The following LMX1A variants were observed in gnomAD, a reference collection of about 807,000 sequenced individuals.
The protein encoded by LMX1A is LIM homeobox transcription factor 1-alpha.
Under a neutral mutation model 49.1 loss-of-function variants are expected in LMX1A, and 15 were observed. That is an observed-to-expected ratio of 0.31 (90% CI 0.20 to 0.47). The LOEUF (loss-of-function observed/expected upper bound fraction) is 0.47. Ranked by LOEUF, LMX1A falls within the 20% of genes least tolerant of loss-of-function variation. The pLI is 1.00. For missense variants in LMX1A, 372 were observed against 475.8 expected, an observed-to-expected ratio of 0.78 and a Z score of 2.03; for synonymous variants, 167 against 185.7, an observed-to-expected ratio of 0.90 and a Z score of 0.82.
chr1:165,342,718 C>T (rs781509531), intron 3 of LMX1A, among the ~76,000 whole-genome samples: 2 of 152,072 alleles, frequency 1.3e-5, no homozygotes, highest in African/African-American at 2.4e-5. Context: ...ATACTATAAA[C>T]AGCTGACCAT....
intron 3 of LMX1A, among the ~76,000 whole-genome samples, chr1:165,322,650 A>G (rs1655453376): frequency 6.6e-6 from 1 of 152,166 alleles, no homozygotes; most frequent in Non-Finnish European, 1.5e-5. Context: ...TAGAAAACCA[A>G]GTAGGGGCTC....
At chr1:165,326,744 C>G (rs1412472795) in intron 3 of LMX1A, among the ~76,000 whole-genome samples, 2 of 152,150 alleles carry the variant, frequency 1.3e-5, no homozygotes, top group African/African-American at 4.8e-5. Context: ...AACCATTTCC[C>G]CCAAACTTGC....
Position 165,318,983 on chromosome 1 carries a change from C to CCTCTCTCT in LMX1A, c.263+34085_263+34092dup, listed in dbSNP as rs137990365. Among the ~76,000 whole-genome samples, 296 of 136,046 alleles carry CCTCTCTCT rather than the reference C, an allele frequency of 2.2e-3. 1 individual carries two copies. Among genetic ancestry groups the CCTCTCTCT allele is most frequent in the African/African-American group, 7.1e-3 (253 of 35,698 alleles). The allele number at this position is 136,046 out of a possible 152,430, so 89.3% of individuals were successfully genotyped here. A position where few individuals can be genotyped will look rare whatever the true frequency, so the allele number is the denominator to read the frequency against. Reference sequence around the variant, plus strand: ...GCTGAAAGTATTGCAGCTGAGATCTCCTCTCTCTCTCTCTCTCACACACAC... The same window carrying CCTCTCTCT: ...GCTGAAAGTATTGCAGCTGAGATCTCCTCTCTCTCTCTCTCTCTCTCTCTCACACACAC... On this transcript the variant is annotated intron_variant, in intron 3 of 8. Transcript: ENST00000342310.
In LMX1A at chr1:165,264,519, A is replaced by G. The variant is rs575933155; in HGVS notation, c.264-14879T>C. ...GGAATTTTTTATAACAGCCCCTCCC[A>G]ACCATGGAAATAAATAATGACAAGT... On this transcript the variant is annotated intron_variant, in intron 3 of 8. Coordinates refer to ENST00000342310, the MANE Select transcript of LMX1A (RefSeq NM_177398.4). 5.3e-5 allele frequency among the ~76,000 whole-genome samples: 8 copies of G among 152,306 alleles called. No homozygotes were observed. In the South Asian group the frequency reaches 1.5e-3, roughly 28 times the overall value.
intron 4 of LMX1A, among the ~76,000 whole-genome samples, chr1:165,245,980 C>T (rs1230918032): frequency 6.6e-6 from 1 of 151,556 alleles, no homozygotes; most frequent in Non-Finnish European, 1.5e-5. Context: ...GTTAAGGATA[C>T]TAGATCAGTC....
At chr1:165,352,378 C>G (rs1175303887) in intron 3 of LMX1A, among the ~76,000 whole-genome samples, 2 of 152,214 alleles carry the variant, frequency 1.3e-5, no homozygotes, top group African/African-American at 4.8e-5. Flanking sequence ...AGGATGGCGG[C>G]ACAGGTTGAA....
At chr1:165,216,189 T>A (rs1651636418) in intron 4 of LMX1A, 2 of 152,164 alleles carry the variant, frequency 1.3e-5, no homozygotes, top group African/African-American at 4.8e-5. Flanking sequence ...TTATAAAATC[T>A]TTCTAGAAGG....
At chr1:165,255,909 G>T (rs1653219582) in intron 3 of LMX1A, among the ~76,000 whole-genome samples, 1 of 151,256 alleles carries the variant, frequency 6.6e-6, no homozygotes, top group African/African-American at 2.4e-5. Flanking sequence ...GGAGGCAGAG[G>T]TTGCAGTGAG....
At position 165,209,656 on chromosome 1, in the gene LMX1A, G is replaced by A. The variant is rs78507510; in HGVS notation, c.747+1043C>T. Among the ~76,000 whole-genome samples the A allele has an allele frequency of 6.0e-3, 920 of 152,322 alleles. 47 individuals are homozygous for A. The East Asian group carries it at 0.12, about 20-fold the overall frequency. ...TGGGGTGCACAGGGAGGGCATGGAA[G>A]CTTCACACCCTTCCCCCATTTCTCG... On this transcript the variant is annotated intron_variant, in intron 6 of 8. Coordinates refer to ENST00000342310, the MANE Select transcript of LMX1A (RefSeq NM_177398.4).
intron 3 of LMX1A, among the ~76,000 whole-genome samples, chr1:165,269,619 C>G (rs1653734533): frequency 6.6e-6 from 1 of 152,112 alleles, no homozygotes; most frequent in Non-Finnish European, 1.5e-5. Flanking sequence ...GAACTATTCA[C>G]AATAGCAAAG....
At chr1:165,206,769 T>C (rs1461260678) in intron 7 of LMX1A, among the ~76,000 whole-genome samples, 1 of 152,152 alleles carries the variant, frequency 6.6e-6, no homozygotes, top group Non-Finnish European at 1.5e-5. Context: ...GGGGTGGAGC[T>C]GAGGGCAGAA....
intron 4 of LMX1A, among the ~76,000 whole-genome samples, chr1:165,243,885 A>T (rs574771508): frequency 6.6e-6 from 1 of 152,230 alleles, no homozygotes; most frequent in Non-Finnish European, 1.5e-5. Context: ...TGATAAGAGT[A>T]TCTTTTGTTG....
rs71097567 is a variant in LMX1A at position 165,247,054 on chromosome 1, C to CTTTTT, written c.496+2349_496+2353dup. On this transcript the variant is annotated intron_variant, in intron 4 of 8. Transcript: ENST00000342310. Reference sequence around the variant, plus strand: ...GTTACTTAGATCAGATCAGCTTTTTCTTTTTTTTTTTTTTTTTTTTTTTTT... The same window carrying CTTTTT: ...GTTACTTAGATCAGATCAGCTTTTTCTTTTTTTTTTTTTTTTTTTTTTTTTTTTTT... Among the ~76,000 whole-genome samples the CTTTTT allele has an allele frequency of 2.9e-3, 154 of 53,216 alleles. 35 individuals are homozygous for CTTTTT. The highest frequency in any genetic ancestry group is 0.025 in the South Asian group (25 of 1,016). 34.9% of individuals were successfully genotyped at this position (53,216 alleles called of 152,430 possible).
chr1:165,216,957 G>A (rs1332782638), intron 4 of LMX1A, among the ~76,000 whole-genome samples: 2 of 151,972 alleles, frequency 1.3e-5, no homozygotes, highest in Non-Finnish European at 2.9e-5. Flanking sequence ...TATGTAAAGG[G>A]TTTAGCACCA....
intron 3 of LMX1A, among the ~76,000 whole-genome samples, chr1:165,291,689 C>T (rs1654469780): frequency 6.6e-6 from 1 of 152,128 alleles, no homozygotes; most frequent in Admixed American, 6.5e-5. Context: ...AACTGAGGCA[C>T]AGAAAAATTT....
chr1:165,322,767 A>G (rs1405194840), intron 3 of LMX1A, among the ~76,000 whole-genome samples: 1 of 152,214 alleles, frequency 6.6e-6, no homozygotes, highest in East Asian at 1.9e-4. Context: ...TTGTGAATTT[A>G]CTAAAAGCCA....
chr1:165,325,582 C>G (rs752744069), intron 3 of LMX1A, among the ~76,000 whole-genome samples: 2 of 152,072 alleles, frequency 1.3e-5, no homozygotes, highest in Non-Finnish European at 2.9e-5. Context: ...GAGAACAGAG[C>G]ATCCTCTTCT....
chr1:165,221,963 G>A (rs930793364), intron 4 of LMX1A, among the ~76,000 whole-genome samples: 11 of 147,216 alleles, frequency 7.5e-5, no homozygotes, highest in Non-Finnish European at 1.7e-4. Flanking sequence ...ACACACACAC[G>A]CTTTCTCTCT....
At chr1:165,254,802 C>T (rs1024013663) in intron 3 of LMX1A, among the ~76,000 whole-genome samples, 6 of 152,186 alleles carry the variant, frequency 3.9e-5, no homozygotes, top group Non-Finnish European at 8.8e-5. Flanking sequence ...CTGGCTGTGC[C>T]CTGGCAAGCT....
Sources: gnomAD v4.1 joint callset for allele counts (sites outside exome capture counted in the v4.1 genomes callset) on GRCh38, gnomAD v4.1.1 for gene constraint, MANE v1.5 for transcripts, NCBI Gene and HGNC (gene_info 2026-07-23, HGNC 2026-07-21) for gene names.